Variants in CPED1 observed in about 807,000 individuals in gnomAD.
The protein encoded by CPED1 is cadherin-like and PC-esterase domain-containing protein 1.
CPED1 carries 114 observed loss-of-function variants against 128.2 expected under a neutral mutation model. That is an observed-to-expected ratio of 0.89 (90% confidence interval 0.76 to 1.04). The LOEUF is 1.04. Ranked by LOEUF, CPED1 falls within the 50% of genes least tolerant of loss-of-function variation. The pLI, the probability that CPED1 is intolerant of heterozygous loss-of-function variation, is 0.00. For synonymous variants in CPED1, 462 were observed against 426.7 expected, an observed-to-expected ratio of 1.08 and a Z score of -1.02; for missense variants, 1,211 against 1,207.1, an observed-to-expected ratio of 1.00 and a Z score of -0.05.
intron 16 of CPED1, among the ~76,000 whole-genome samples, chr7:121,169,166 G>C (rs1364159328): frequency 6.6e-6 from 1 of 152,076 alleles, no homozygotes; most frequent in Non-Finnish European, 1.5e-5. Context: ...CATTAAATAG[G>C]TTCCGAGTCA....
At chr7:121,013,026 A>C (rs115699950) in intron 2 of CPED1, among the ~76,000 whole-genome samples, 25 of 152,274 alleles carry the variant, frequency 1.6e-4, no homozygotes, top group African/African-American at 5.5e-4. Context: ...AATAGAGAGG[A>C]GCATCCTGTG....
At chr7:121,136,971 G>A (rs1220950580) in intron 14 of CPED1, among the ~76,000 whole-genome samples, 1 of 151,828 alleles carries the variant, frequency 6.6e-6, no homozygotes, top group Non-Finnish European at 1.5e-5. Context: ...GAAAAATTGA[G>A]TTCTATATAG....
chr7:121,130,326 C>T lies in CPED1; in HGVS notation c.1577+32C>T, dbSNP rs186976386. 8 of 1,534,602 alleles carry T rather than the reference C, an allele frequency of 5.2e-6. No individual in the cohort carries two copies. In the Admixed American group the frequency reaches 6.3e-5, roughly 12 times the overall value. On this transcript the variant is annotated intron_variant, in intron 12 of 22. Transcript: ENST00000310396. ...TAGCCACAAATTTGAATTGTACAATCCAAAAAATCTCTAGTTTACAGATTG... is the reference window on the plus strand; with the variant it reads ...TAGCCACAAATTTGAATTGTACAATTCAAAAAATCTCTAGTTTACAGATTG...
chr7:121,052,764 C>T (rs1793391737), intron 4 of CPED1, among the ~76,000 whole-genome samples: 2 of 152,152 alleles, frequency 1.3e-5, no homozygotes, highest in Non-Finnish European at 2.9e-5. Flanking sequence ...CTCTGTCTCT[C>T]AGGCCTGGAG....
chr7:121,138,700 AGC>A (rs1795834463), intron 14 of CPED1, among the ~76,000 whole-genome samples: 1 of 152,076 alleles, frequency 6.6e-6, no homozygotes, highest in African/African-American at 2.4e-5. Flanking sequence ...ATCAAGTTAA[AGC>A]ACATCTTCTA....
chr7:121,272,120 C>A (rs1055065343), intron 22 of CPED1, among the ~76,000 whole-genome samples: 1 of 152,086 alleles, frequency 6.6e-6, no homozygotes, highest in African/African-American at 2.4e-5. Flanking sequence ...CACATCAATA[C>A]TAAAATTGTC....
intron 16 of CPED1, among the ~76,000 whole-genome samples, chr7:121,216,797 G>C (rs904554296): frequency 1.5e-4 from 23 of 152,024 alleles, no homozygotes; most frequent in African/African-American, 5.1e-4. Flanking sequence ...ATTCAGATAA[G>C]AAAGGAATGG....
chr7:121,166,992 G>A (rs562748957), intron 16 of CPED1, among the ~76,000 whole-genome samples: 1 of 152,202 alleles, frequency 6.6e-6, no homozygotes, highest in East Asian at 1.9e-4. Flanking sequence ...CACACTTTGT[G>A]GAAGAAGAAA....
chr7:121,052,470 A>T (rs1228519844), intron 4 of CPED1, among the ~76,000 whole-genome samples: 3 of 151,974 alleles, frequency 2.0e-5, no homozygotes, highest in Admixed American at 2.0e-4. Context: ...ACGTTATTTA[A>T]TCTCTGTAGC....
At chr7:121,261,501 A>C in intron 18 of CPED1, 1 of 1,304,940 alleles carries the variant, frequency 7.7e-7, no homozygotes, top group East Asian at 2.5e-5. Context: ...TATATTTCTC[A>C]GTGTCTCCTG....
intron 7 of CPED1, among the ~76,000 whole-genome samples, chr7:121,112,113 G>A (rs1795126600): frequency 6.6e-6 from 1 of 152,094 alleles, no homozygotes; most frequent in Non-Finnish European, 1.5e-5. Flanking sequence ...GGCAGTTTCA[G>A]GATTCTTAAG....
chr7:121,023,925 G>A (rs182786055), intron 3 of CPED1, among the ~76,000 whole-genome samples: 29 of 152,248 alleles, frequency 1.9e-4, no homozygotes, highest in African/African-American at 7.0e-4. Flanking sequence ...CCTAGAACAC[G>A]TTTGACATAC....
intron 16 of CPED1, among the ~76,000 whole-genome samples, chr7:121,166,320 A>G (rs1008455799): frequency 6.6e-6 from 1 of 152,222 alleles, no homozygotes; most frequent in Middle Eastern, 3.2e-3. Flanking sequence ...GACATAATTT[A>G]TACTTGCCCC....
Position 121,172,825 on chromosome 7 carries a change from T to A in CPED1, c.2055+30684T>A, listed in dbSNP as rs148568081. On this transcript the variant is annotated intron_variant, in intron 16 of 22. Transcript: ENST00000310396. ...ACCTAGAGTAAATGCATATGATCGA[T>A]TGCTCAATGTAAGGACAGAGCCAAC... Among the ~76,000 whole-genome samples, 5 of 152,324 alleles carry A rather than the reference T, an allele frequency of 3.3e-5. No homozygotes were observed. In the East Asian group the frequency reaches 9.6e-4, roughly 29 times the overall value.
intron 2 of CPED1, among the ~76,000 whole-genome samples, chr7:121,001,189 A>T (rs1268058493): frequency 6.6e-6 from 1 of 152,182 alleles, no homozygotes; most frequent in Non-Finnish European, 1.5e-5. Context: ...AGATACAGTC[A>T]AATGCAAGCA....
chr7:121,207,882 A>G (rs1797555810), intron 16 of CPED1, among the ~76,000 whole-genome samples: 1 of 151,982 alleles, frequency 6.6e-6, no homozygotes, highest in African/African-American at 2.4e-5. Context: ...AAAGATTTCC[A>G]ACTTATCCTA....
intron 5 of CPED1, among the ~76,000 whole-genome samples, chr7:121,081,908 C>T (rs1794304594): frequency 6.6e-6 from 1 of 152,086 alleles, no homozygotes; most frequent in South Asian, 2.1e-4. Flanking sequence ...TCTTTCAACC[C>T]TCTATAGCAG....
chr7:121,211,550 C>G (rs1584600672), intron 16 of CPED1, among the ~76,000 whole-genome samples: 2 of 152,146 alleles, frequency 1.3e-5, no homozygotes, highest in African/African-American at 4.8e-5. Context: ...GCAAGCATAT[C>G]TGATTGGGAC....
chr7:120,998,550 T>C (rs1299205579), intron 2 of CPED1, among the ~76,000 whole-genome samples: 2 of 152,154 alleles, frequency 1.3e-5, no homozygotes, highest in African/African-American at 4.8e-5. Context: ...CTCCCTCCTC[T>C]CTGTGGACCC....
Sources: gnomAD v4.1 joint callset for allele counts (sites outside exome capture counted in the v4.1 genomes callset) on GRCh38, gnomAD v4.1.1 for gene constraint, MANE v1.5 for transcripts, NCBI Gene and HGNC (gene_info 2026-07-23, HGNC 2026-07-21) for gene names.